The following KLF12 variants were observed in gnomAD, a reference collection of about 807,000 sequenced individuals.
KLF12 encodes KLF transcription factor 12.
Under a neutral mutation model 37.8 loss-of-function variants are expected in KLF12, and 9 were observed. The observed-to-expected ratio is 0.24, with a 90% CI of 0.14 to 0.42. The LOEUF (loss-of-function observed/expected upper bound fraction) is 0.42, where lower values mean the gene tolerates loss of function less well. KLF12 is among the 10% of genes least tolerant of loss of function. The pLI is 1.00. For missense variants in KLF12, 411 were observed against 516.0 expected (o/e 0.80, Z 1.97); for synonymous variants, 208 against 202.1 (o/e 1.03, Z -0.25).
chr13:74,134,358 G>A (rs1593928911), upstream of KLF12, among the ~76,000 whole-genome samples: 2 of 151,908 alleles, frequency 1.3e-5, no homozygotes. Context: ...ATAAAATGGG[G>A]CCCCCGAGCC....
upstream of KLF12, among the ~76,000 whole-genome samples, chr13:74,134,546 C>T (rs1476255358): frequency 1.3e-5 from 2 of 151,664 alleles, no homozygotes; most frequent in African/African-American, 4.8e-5. Flanking sequence ...CCCCGCCCCA[C>T]CCCTGCCCCC....
At chr13:74,017,735 T>C (rs975701922) in intron 1 of KLF12, among the ~76,000 whole-genome samples, 20 of 152,030 alleles carry the variant, frequency 1.3e-4, no homozygotes, top group Non-Finnish European at 2.6e-4. Context: ...ATATGTATAA[T>C]AATATTTATA....
chr13:74,192,673 C>T, the KLF12 span, among the ~76,000 whole-genome samples: 1 of 144,292 alleles, frequency 6.9e-6, no homozygotes, highest in East Asian at 2.1e-4. Flanking sequence ...AATTCAATGG[C>T]AGAGCTATGA....
At chr13:74,015,923 C>G (rs1337046325) in intron 1 of KLF12, among the ~76,000 whole-genome samples, 1 of 152,116 alleles carries the variant, frequency 6.6e-6, no homozygotes, top group Non-Finnish European at 1.5e-5. Flanking sequence ...TAGCCAGATA[C>G]TATCCTTTTA....
chr13:73,803,169 T>G (rs1319186981), intron 5 of KLF12, among the ~76,000 whole-genome samples: 1 of 152,214 alleles, frequency 6.6e-6, no homozygotes, highest in African/African-American at 2.4e-5. Context: ...GATAAAGAGA[T>G]TCAGTTCTGA....
intron 3 of KLF12, among the ~76,000 whole-genome samples, chr13:73,871,771 T>C (rs1886478290): frequency 6.6e-6 from 1 of 152,190 alleles, no homozygotes; most frequent in African/African-American, 2.4e-5. Flanking sequence ...CTAGGCTGGT[T>C]AGCTTTCCTC....
chr13:73,788,765 C>A (rs1184181167), intron 5 of KLF12, among the ~76,000 whole-genome samples: 2 of 152,010 alleles, frequency 1.3e-5, no homozygotes, highest in Admixed American at 6.6e-5. Flanking sequence ...AGTAGCTAGA[C>A]AAACGGGACT....
intron 1 of KLF12, among the ~76,000 whole-genome samples, chr13:74,072,506 G>C (rs1464151063): frequency 6.6e-6 from 1 of 151,070 alleles, no homozygotes; most frequent in African/African-American, 2.4e-5. Context: ...GGGAGACCAA[G>C]GCAGGAGGAT....
intron 7 of KLF12, among the ~76,000 whole-genome samples, chr13:73,707,289 G>A (rs1875027433): frequency 6.6e-6 from 1 of 152,194 alleles, no homozygotes; most frequent in African/African-American, 2.4e-5. Context: ...AGCACTCGAA[G>A]AGGTATGTTT....
intron 3 of KLF12, among the ~76,000 whole-genome samples, chr13:73,890,222 G>A (rs1158048837): frequency 2.0e-5 from 3 of 152,004 alleles, no homozygotes; most frequent in South Asian, 4.1e-4. Context: ...ATATCAAGGA[G>A]CATGGACTTT....
intron 7 of KLF12, among the ~76,000 whole-genome samples, chr13:73,703,160 C>T (rs529466977): frequency 6.6e-6 from 1 of 152,264 alleles, no homozygotes; most frequent in African/African-American, 2.4e-5. Flanking sequence ...TTTACTCCTG[C>T]AGCACTGTTG....
At chr13:73,847,191 T>C (rs1885076603) in intron 3 of KLF12, among the ~76,000 whole-genome samples, 1 of 152,170 alleles carries the variant, frequency 6.6e-6, no homozygotes, top group Non-Finnish European at 1.5e-5. Context: ...ATTTATGAAA[T>C]GTCTGCTTGC....
the KLF12 span, chr13:74,231,781 G>C: frequency 1.3e-5 from 2 of 152,082 alleles, no homozygotes; most frequent in African/African-American, 4.8e-5. Flanking sequence ...AGACTCTCTT[G>C]CACAGGAATT....
chr13:74,085,972 A>C (rs1258177933), intron 1 of KLF12, among the ~76,000 whole-genome samples: 1 of 151,734 alleles, frequency 6.6e-6, no homozygotes, highest in African/African-American at 2.4e-5. Context: ...TTTTACTTTT[A>C]ACCTGCTTTA....
In KLF12 at chr13:73,729,843, GGC is replaced by G. The variant is rs1484128717; in HGVS notation, c.870-14320_870-14319del. Among the ~76,000 whole-genome samples, 4 of 152,224 alleles carry G rather than the reference GGC, an allele frequency of 2.6e-5. No homozygotes were observed. The East Asian group carries it at 7.7e-4, about 29-fold the overall frequency. Reference sequence around the variant, plus strand: ...ATAGGGAAGCAAGTGAACACGCAAAGGCATCCTTAGCAACTTGATAATCTAGT... The same window carrying G: ...ATAGGGAAGCAAGTGAACACGCAAAGATCCTTAGCAACTTGATAATCTAGT... On this transcript the variant is annotated intron_variant, in intron 6 of 7. Coordinates refer to ENST00000377669, the MANE Select transcript of KLF12 (RefSeq NM_007249.5).
chr13:74,038,549 T>A (rs1893318146), intron 1 of KLF12, among the ~76,000 whole-genome samples: 1 of 152,208 alleles, frequency 6.6e-6, no homozygotes, highest in Non-Finnish European at 1.5e-5. Context: ...TTGATCCATA[T>A]ATATTATAGT....
intron 1 of KLF12, among the ~76,000 whole-genome samples, chr13:74,015,122 T>C (rs1892654058): frequency 6.6e-6 from 1 of 152,184 alleles, no homozygotes; most frequent in Non-Finnish European, 1.5e-5. Context: ...CATCTAATTG[T>C]AAAACAATGC....
chr13:73,744,231 T>C (rs921432394), intron 6 of KLF12, among the ~76,000 whole-genome samples: 32 of 152,312 alleles, frequency 2.1e-4, no homozygotes, highest in Middle Eastern at 3.4e-3. Context: ...ATTTGGAATG[T>C]GAAGATCTAG....
intron 5 of KLF12, among the ~76,000 whole-genome samples, chr13:73,782,920 C>A (rs921898911): frequency 6.6e-6 from 1 of 152,162 alleles, no homozygotes; most frequent in African/African-American, 2.4e-5. Context: ...AAAAACAGGA[C>A]AGGCAGTTGG....
Sources: allele counts gnomAD v4.1 joint callset (sites outside exome capture counted in the v4.1 genomes callset), GRCh38; gene constraint gnomAD v4.1.1; transcripts MANE v1.5; gene names NCBI Gene and HGNC (gene_info 2026-07-23, HGNC 2026-07-21).